TMEM181: variants seen among roughly 807,000 people sequenced by gnomAD.
TMEM181 encodes the protein transmembrane protein 181, also known as G protein-coupled receptor 178.
TMEM181 carries 39 observed loss-of-function variants against 71.9 expected under a neutral mutation model. That is an observed-to-expected ratio of 0.54 (90% CI 0.42 to 0.71). The LOEUF (loss-of-function observed/expected upper bound fraction) is 0.71. TMEM181 is among the 30% of genes least tolerant of loss of function. TMEM181 has a pLI of 0.00. For synonymous variants in TMEM181, 245 were observed against 228.8 expected, an observed-to-expected ratio of 1.07 and a Z score of -0.64; for missense variants, 595 against 583.0, an observed-to-expected ratio of 1.02 and a Z score of -0.21.
At chr6:158,589,004 G>A (rs1582993483) in intron 5 of TMEM181, among the ~76,000 whole-genome samples, 1 of 152,234 alleles carries the variant, frequency 6.6e-6, no homozygotes, top group South Asian at 2.1e-4. Flanking sequence ...CTGCATGAGG[G>A]TTTGTCCTCC....
rs1786866663 is a variant in TMEM181, at chr6:158,634,941, A to AGT, written c.*3055_*3056dup. 1 of 152,220 alleles carries AGT rather than the reference A, an allele frequency of 6.6e-6. No homozygotes were observed. Among genetic ancestry groups the AGT allele is most frequent in the Non-Finnish European group, 1.5e-5 (1 of 68,028 alleles). 9.4% of individuals were successfully genotyped at this position (152,220 alleles called of 1,614,324 possible). On this transcript the variant is annotated 3_prime_UTR_variant, in exon 17 of 17. Coordinates refer to ENST00000684151, the MANE Select transcript of TMEM181 (RefSeq NM_001376852.1). ...TTAAAACGGATGTGTCTGAACATTT[A>AGT]GTGAAGATGAGACTTAAAACATGAA...
At chr6:158,555,531 G>T (rs1582932124), upstream of TMEM181, among the ~76,000 whole-genome samples, 3 of 152,252 alleles carry the variant, frequency 2.0e-5, no homozygotes, top group East Asian at 5.8e-4. Context: ...TAGAGATAGA[G>T]AATTTAGAAG....
At chr6:158,541,424 CAAAAAAACAAA>C (rs1385088352) in intron 1 of TMEM181, among the ~76,000 whole-genome samples, 1 of 121,816 alleles carries the variant, frequency 8.2e-6, no homozygotes, top group Non-Finnish European at 1.7e-5. Flanking sequence ...TCTCAAAAAA[CAAAAAAACAAA>C]AAACAAAAAA....
intron 6 of TMEM181, among the ~76,000 whole-genome samples, chr6:158,596,610 C>T (rs1341591754): frequency 6.6e-6 from 1 of 152,134 alleles, no homozygotes; most frequent in Admixed American, 6.5e-5. Context: ...AAAAATGACC[C>T]TGATTGCTTC....
chr6:158,588,010 A>T (rs1378288968), intron 5 of TMEM181, among the ~76,000 whole-genome samples: 1 of 152,156 alleles, frequency 6.6e-6, no homozygotes, highest in Non-Finnish European at 1.5e-5. Context: ...CGACTGCCAG[A>T]GGGGAAAGGT....
chr6:158,581,775 G>A (rs913069472), intron 3 of TMEM181, among the ~76,000 whole-genome samples: 94 of 74,472 alleles, frequency 1.3e-3, no homozygotes, highest in South Asian at 2.0e-3. Context: ...AAAAAAAAAA[G>A]CCTTAACTTT....
chr6:158,625,899 T>C (rs1249790414), intron 13 of TMEM181, 145 bp downstream of exon 13: 15 of 750,526 alleles, frequency 2.0e-5, no homozygotes, highest in Non-Finnish European at 2.9e-5. Context: ...CCACCAAGGC[T>C]GGGCAGCCGA....
At chr6:158,600,173 A>T (rs760652869) in intron 6 of TMEM181, among the ~76,000 whole-genome samples, 2 of 151,926 alleles carry the variant, frequency 1.3e-5, no homozygotes, top group Non-Finnish European at 2.9e-5. Flanking sequence ...TCTAGTGTTA[A>T]TTTTTTGTTT....
chr6:158,624,442 G>A (rs563696624), intron 11 of TMEM181, among the ~76,000 whole-genome samples: 4 of 152,370 alleles, frequency 2.6e-5, no homozygotes, highest in East Asian at 3.9e-4. Flanking sequence ...GGGGGATGGC[G>A]TGGGCCGGAG....
intron 6 of TMEM181, among the ~76,000 whole-genome samples, chr6:158,597,638 C>G (rs992651736): frequency 2.0e-5 from 3 of 152,108 alleles, no homozygotes; most frequent in Non-Finnish European, 4.4e-5. Flanking sequence ...GTAGCTGGAA[C>G]CAGACAGGCA....
intron 1 of TMEM181, among the ~76,000 whole-genome samples, chr6:158,571,425 G>C (rs1211213193): frequency 7.9e-6 from 1 of 125,898 alleles, no homozygotes; most frequent in Non-Finnish European, 1.7e-5. Flanking sequence ...GCCTCCCAAA[G>C]TGCTGAGATT....
chr6:158,549,210 C>G (rs896403501), intron 1 of TMEM181, among the ~76,000 whole-genome samples: 1 of 149,728 alleles, frequency 6.7e-6, no homozygotes, highest in African/African-American at 2.5e-5. Context: ...CTCCGCCTCC[C>G]GGGTTCAAGC....
chr6:158,579,436 G>A (rs184473618), intron 2 of TMEM181, among the ~76,000 whole-genome samples: 495 of 150,894 alleles, frequency 3.3e-3, no homozygotes, highest in African/African-American at 0.011. Flanking sequence ...AAGTAAGGAA[G>A]TTCGGCCGGG....
chr6:158,592,978 A>G (rs573222320), intron 6 of TMEM181, among the ~76,000 whole-genome samples: 37 of 152,340 alleles, frequency 2.4e-4, no homozygotes, highest in Admixed American at 7.2e-4. Context: ...GGCGAAATGC[A>G]AGGACACAAG....
intron 1 of TMEM181, among the ~76,000 whole-genome samples, chr6:158,570,314 G>T (rs1324441403): frequency 8.7e-5 from 13 of 150,024 alleles, no homozygotes; most frequent in Admixed American, 8.0e-4. Context: ...CTCAATGCAA[G>T]CTCTGCCTCC....
At chr6:158,579,056 C>T (rs528205481) in intron 2 of TMEM181, among the ~76,000 whole-genome samples, 16 of 150,744 alleles carry the variant, frequency 1.1e-4, no homozygotes, top group African/African-American at 3.7e-4. Context: ...GTTAGAAGTT[C>T]GATTCCAGCC....
Position 158,589,628 on chromosome 6 carries a change from G to A in TMEM181, c.382-44G>A, listed in dbSNP as rs1783987350. 5.4e-6 allele frequency: 8 copies of A among 1,470,306 alleles called. No homozygotes were observed. The East Asian group carries it at 1.8e-4, about 33-fold the overall frequency. The allele number at this position is 1,470,306 out of a possible 1,614,324, so 91.1% of individuals were successfully genotyped here. ...TTCATGGGTTATTTGGCGGGAGCGT[G>A]AGTCTCGCTTTCTTTAAAGGCAAAT... On this transcript the variant is annotated intron_variant, in intron 5 of 16. Transcript: ENST00000684151.
chr6:158,572,406 C>T (rs1435272829), intron 1 of TMEM181: 1 of 456,736 alleles, frequency 2.2e-6, no homozygotes, highest in Non-Finnish European at 4.4e-6. Context: ...AAGACCAGAA[C>T]ATGCGAGGAC....
At chr6:158,583,837 T>C (rs559166219) in intron 3 of TMEM181, 117 bp from the exon 4 acceptor site, 31 of 661,616 alleles carry the variant, frequency 4.7e-5, no homozygotes, top group South Asian at 2.7e-4. Flanking sequence ...TATTTCTGTT[T>C]CAAAGCTAAC....
Sources: allele counts gnomAD v4.1 joint callset (sites outside exome capture counted in the v4.1 genomes callset), GRCh38; gene constraint gnomAD v4.1.1; transcripts MANE v1.5; gene names NCBI Gene and HGNC (gene_info 2026-07-23, HGNC 2026-07-21).